Variants in HERC2 observed in about 807,000 individuals in gnomAD.
HERC2 encodes the protein E3 ubiquitin-protein ligase HERC2.
HERC2 carries 102 observed loss-of-function variants against 537.7 expected under a neutral mutation model. The ratio of observed to expected loss-of-function variants is 0.19; its 90% CI spans 0.16 to 0.22. The LOEUF is 0.22. Ranked by LOEUF, HERC2 falls within the 10% of genes least tolerant of loss-of-function variation. The pLI is 1.00. For synonymous variants in HERC2, 2,224 were observed against 2,466.2 expected (o/e 0.90, Z 2.91); for missense variants, 4,236 against 6,198.2 (o/e 0.68, Z 10.63).
intron 35 of HERC2, among the ~76,000 whole-genome samples, chr15:28,227,789 T>C (rs1486845956): frequency 3.3e-5 from 5 of 152,194 alleles, no homozygotes; most frequent in African/African-American, 9.7e-5. Flanking sequence ...TATATATTCA[T>C]ACAATGAAAT....
chr15:28,127,706 G>A (rs548083116), intron 83 of HERC2, among the ~76,000 whole-genome samples: 5 of 152,242 alleles, frequency 3.3e-5, no homozygotes, highest in East Asian at 1.9e-4. Context: ...ACAAGTGGAG[G>A]CTAATCATCT....
chr15:28,158,418 T>G (rs1185085238), intron 69 of HERC2, among the ~76,000 whole-genome samples: 2 of 152,236 alleles, frequency 1.3e-5, no homozygotes, highest in Non-Finnish European at 2.9e-5. Context: ...ATCTGGGTGC[T>G]CCTTTATTGG....
chr15:28,239,194 A>G (rs568976067), intron 23 of HERC2, among the ~76,000 whole-genome samples: 24 of 152,364 alleles, frequency 1.6e-4, no homozygotes, highest in Non-Finnish European at 3.2e-4. Flanking sequence ...TATGAAAATT[A>G]GAAAATGTGT....
Position 28,265,637 on chromosome 15 carries a change from G to T in HERC2, c.1851C>A (p.Thr617=). The T allele has an allele frequency of 6.2e-7, 1 of 1,614,026 alleles. No homozygotes were observed. The highest frequency in any genetic ancestry group is 8.5e-7 in the Non-Finnish European group (1 of 1,179,976). ...ACGTACCGTTCTCAGTGACAGCCAGGGTTTGAGCATCCCCACTCCCACACG... is the reference window on the plus strand; with the variant it reads ...ACGTACCGTTCTCAGTGACAGCCAGTGTTTGAGCATCCCCACTCCCACACG... ...DVACGSGDAQ[T]LAVTENGQVW... Residue 617 remains threonine, a synonymous_variant, in exon 14 of 93, where the codon ACC becomes ACA. Coordinates refer to ENST00000261609, the MANE Select transcript of HERC2 (RefSeq NM_004667.6). The surrounding 1 kb of genome is among the most constrained non-coding windows in gnomAD (Gnocchi z 4.0).
chr15:28,248,549 T>C lies in HERC2; in HGVS notation c.3235+3A>G, dbSNP rs1420336322. The C allele has an allele frequency of 6.2e-7, 1 of 1,611,108 alleles. No individual in the cohort carries two copies. The highest frequency in any genetic ancestry group is 8.5e-7 in the Non-Finnish European group (1 of 1,177,472). On this transcript the variant is annotated splice_donor_region_variant and intron_variant, in intron 21 of 92. Coordinates refer to ENST00000261609, the MANE Select transcript of HERC2 (RefSeq NM_004667.6). Reference sequence around the variant, plus strand: ...AGACACTTTCACATTTTAAGCAACTTACTAGAAATATCTGAGGTCTGACCA... The same window carrying C: ...AGACACTTTCACATTTTAAGCAACTCACTAGAAATATCTGAGGTCTGACCA...
At chr15:28,118,501 T>A (rs1468336165) in intron 86 of HERC2, 2 of 152,238 alleles carry the variant, frequency 1.3e-5, no homozygotes, top group Non-Finnish European at 2.9e-5. Flanking sequence ...CTGTAATAAA[T>A]TTTTAAGTAT....
chr15:28,313,507 T>G (rs2077001916), intron 2 of HERC2, among the ~76,000 whole-genome samples: 1 of 151,862 alleles, frequency 6.6e-6, no homozygotes, highest in Non-Finnish European at 1.5e-5. Flanking sequence ...AACTATAGAG[T>G]CAGGCAATAA....
chr15:28,215,652 G>A lies in HERC2; in HGVS notation c.6179C>T (p.Ala2060Val). 1.2e-6 allele frequency: 2 copies of A among 1,611,236 alleles called. No homozygotes were observed. The highest frequency in any genetic ancestry group is 1.1e-5 in the South Asian group (1 of 90,862). Residue 2060 changes from alanine (A) to valine (V), a missense_variant, in exon 39 of 93, where the codon GCA becomes GTA. Ala to Val is a moderately conservative substitution (Grantham distance 64). Coordinates refer to ENST00000261609, the MANE Select transcript of HERC2 (RefSeq NM_004667.6). ...CTGCAGCGAGGTGGCAGTGAAGGGT[G>A]CGTGCCCTTCCACGACCTTCATGAG... ...TLLMKVVEGHAPFTATSLQRQ... is the reference protein window; with the variant it reads ...TLLMKVVEGHVPFTATSLQRQ...
At chr15:28,286,519 C>A (rs1020762545) in intron 4 of HERC2, among the ~76,000 whole-genome samples, 3 of 152,126 alleles carry the variant, frequency 2.0e-5, no homozygotes, top group African/African-American at 7.2e-5. Flanking sequence ...CACATAATTA[C>A]ATATCAATTG....
Position 28,202,314 on chromosome 15 carries a change from C to T in HERC2, c.7480+33G>A, listed in dbSNP as rs749889808. The T allele has an allele frequency of 2.5e-6, 4 of 1,612,886 alleles. No individual in the cohort carries two copies. The South Asian group carries it at 3.3e-5, about 13-fold the overall frequency. On this transcript the variant is annotated intron_variant, in intron 46 of 92. Coordinates refer to ENST00000261609, the MANE Select transcript of HERC2 (RefSeq NM_004667.6). ...AACAGCCCTGAAGCGGGAACCCACACATACACAAGCAGAGGCCAGGAAAAC... is the reference window on the plus strand; with the variant it reads ...AACAGCCCTGAAGCGGGAACCCACATATACACAAGCAGAGGCCAGGAAAAC...
At chr15:28,119,833 G>A (rs1888688465) in intron 86 of HERC2, among the ~76,000 whole-genome samples, 1 of 152,170 alleles carries the variant, frequency 6.6e-6, no homozygotes, top group African/African-American at 2.4e-5. Flanking sequence ...GCTGGGGATA[G>A]CAAGATGAGT....
At chr15:28,248,410 G>A (rs994589797) in intron 21 of HERC2, 142 bp downstream of exon 21, 12 of 583,284 alleles carry the variant, frequency 2.1e-5, no homozygotes, top group Non-Finnish European at 3.3e-5. Context: ...TCAAAAAAGT[G>A]GATGCAAAAT....
chr15:28,312,206 C>G (rs1160276208), intron 2 of HERC2, among the ~76,000 whole-genome samples: 1 of 152,292 alleles, frequency 6.6e-6, no homozygotes, highest in East Asian at 1.9e-4. Flanking sequence ...GAGGAGGTCT[C>G]CAGAGAGTTA....
intron 2 of HERC2, among the ~76,000 whole-genome samples, chr15:28,304,191 A>AC (rs2076715252): frequency 6.7e-6 from 1 of 150,218 alleles, no homozygotes; most frequent in African/African-American, 2.4e-5. Flanking sequence ...AAAAAAAAAA[A>AC]ACAGAGAAAT....
chr15:28,288,437 C>T (rs1183867590), intron 4 of HERC2, among the ~76,000 whole-genome samples: 2 of 2,768 alleles, frequency 7.2e-4, no homozygotes, highest in Admixed American at 2.7e-3. Flanking sequence ...GAGCCAGAAT[C>T]GTTTGAACCC....
chr15:28,163,192 C>T lies in HERC2; in HGVS notation c.10648G>A (p.Val3550Ile), dbSNP rs1893795218. ...LLIADDTRVV[V>I]DLLKLSVCSR... ...CACACTGACAGCTTGAGCAGGTCTA[C>T]CACCACACGAGTGTCATCCGCAATC... is the stretch of plus-strand genomic sequence containing the variant. Residue 3550 changes from valine to isoleucine, a missense_variant, in exon 69 of 93, where the codon GTA becomes ATA. Transcript: ENST00000261609. 5 of 1,613,814 alleles carry T rather than the reference C, an allele frequency of 3.1e-6. No individual in the cohort carries two copies. Among genetic ancestry groups the T allele is most frequent in the Non-Finnish European group, 4.2e-6 (5 of 1,180,024 alleles).
chr15:28,297,562 A>AC (rs540784953), intron 3 of HERC2, among the ~76,000 whole-genome samples: 9 of 152,260 alleles, frequency 5.9e-5, no homozygotes, highest in African/African-American at 2.2e-4. Flanking sequence ...TTAAAAAAAA[A>AC]AACATGAAAA....
intron 90 of HERC2, among the ~76,000 whole-genome samples, chr15:28,114,267 C>T (rs190331264): frequency 4.2e-4 from 64 of 152,328 alleles, no homozygotes; most frequent in Non-Finnish European, 7.3e-4. Context: ...CTCTGTGTCA[C>T]TCAAGCAGCC....
intron 23 of HERC2, among the ~76,000 whole-genome samples, chr15:28,242,747 AG>A: frequency 6.6e-6 from 1 of 152,368 alleles, no homozygotes; most frequent in East Asian, 1.9e-4. Context: ...CAGAAACGGA[AG>A]GTTGAGTCAA....
Sources: allele counts gnomAD v4.1 joint callset (sites outside exome capture counted in the v4.1 genomes callset), GRCh38; gene constraint gnomAD v4.1.1; non-coding constraint Gnocchi (gnomAD v3.1); transcripts MANE v1.5; gene names NCBI Gene and HGNC (gene_info 2026-07-23, HGNC 2026-07-21).